Variants in FAP observed in about 807,000 individuals in gnomAD.
FAP encodes the protein prolyl endopeptidase FAP.
A neutral mutation model predicts 126.5 loss-of-function variants in FAP; 110 were observed. The observed-to-expected ratio is 0.87, with a 90% CI of 0.74 to 1.02. The LOEUF (loss-of-function observed/expected upper bound fraction) is 1.02, where lower values mean the gene tolerates loss of function less well. Among genes scored for constraint, FAP ranks in the 50% least tolerant of loss-of-function variants. The probability of loss-of-function intolerance (pLI) is 0.00; values close to 1 mark genes in which losing one functional copy is unlikely to be tolerated. For missense variants in FAP, 919 were observed against 909.2 expected, an observed-to-expected ratio of 1.01 and a Z score of -0.14; for synonymous variants, 334 against 297.3, an observed-to-expected ratio of 1.12 and a Z score of -1.27.
At chr2:162,187,666 T>C (rs1163374778) in intron 20 of FAP, among the ~76,000 whole-genome samples, 1 of 152,126 alleles carries the variant, frequency 6.6e-6, no homozygotes, top group East Asian at 1.9e-4. Context: ...ACTATGTTTT[T>C]GTCAAACGAA....
In FAP at chr2:162,215,942, A is replaced by G. The variant is rs1689144010; in HGVS notation, c.822T>C (p.Tyr274=). The change falls in exon 10 of 26, where the codon TAT becomes TAC. Residue 274 remains tyrosine (Y), a synonymous_variant. Transcript: ENST00000188790. The part of the protein sequence containing the change: ...IFIIDTTYPA[Y]VGPQEVPVPA... ...GAACAGGCACTTCCTGGGGACCTAC[A>G]TACGCAGGGTAAGTGGTATCGATAA... 6.2e-7 allele frequency: 1 copy of G among 1,614,112 alleles called. No homozygotes were observed. The highest frequency in any genetic ancestry group is 2.2e-5 in the East Asian group (1 of 44,882).
chr2:162,194,347 A>C (rs1292459495), intron 17 of FAP, among the ~76,000 whole-genome samples: 2 of 150,470 alleles, frequency 1.3e-5, no homozygotes, highest in African/African-American at 5.0e-5. Flanking sequence ...AAAAAAAAAA[A>C]CACCCTAGGG....
chr2:162,212,636 A>G (rs1267403700), intron 11 of FAP, among the ~76,000 whole-genome samples: 1 of 152,188 alleles, frequency 6.6e-6, no homozygotes, highest in African/African-American at 2.4e-5. Flanking sequence ...GCAAAACATA[A>G]TGTCCTAATT....
At chr2:162,216,118 G>A in intron 9 of FAP, 117 bp from the exon 10 acceptor site, 1 of 651,354 alleles carries the variant, frequency 1.5e-6, no homozygotes, top group Non-Finnish European at 2.7e-6. Flanking sequence ...GTATATCACT[G>A]TGGAATACAT....
intron 10 of FAP, among the ~76,000 whole-genome samples, chr2:162,214,331 T>G (rs537406322): frequency 3.3e-5 from 5 of 152,204 alleles, no homozygotes; most frequent in African/African-American, 1.2e-4. Flanking sequence ...GATTTTAACA[T>G]TTTAGAAAAG....
intron 9 of FAP, among the ~76,000 whole-genome samples, 183 bp downstream of exon 9, chr2:162,217,802 GC>G (rs1484158403): frequency 6.6e-6 from 1 of 152,132 alleles, no homozygotes; most frequent in Non-Finnish European, 1.5e-5. Flanking sequence ...ACTTCATCCA[GC>G]ACAACCAGAT....
intron 20 of FAP, among the ~76,000 whole-genome samples, chr2:162,184,164 G>A (rs1339960107): frequency 6.6e-6 from 1 of 152,134 alleles, no homozygotes; most frequent in Non-Finnish European, 1.5e-5. Flanking sequence ...ATGTTACCCT[G>A]AGGGCTGGTG....
chr2:162,219,109 T>C lies in FAP; in HGVS notation c.561A>G (p.Gly187=). 6.2e-7 allele frequency: 1 copy of C among 1,605,998 alleles called. No homozygotes were observed. Among genetic ancestry groups the C allele is most frequent in the Non-Finnish European group, 8.5e-7 (1 of 1,174,854 alleles). Residue 187 remains glycine (G), a synonymous_variant, in exon 8 of 26, where the codon GGA becomes GGG. Coordinates refer to ENST00000188790, the MANE Select transcript of FAP (RefSeq NM_004460.5). ...TTCCATTAAATATTTTATTTTCTCT[T>C]CCATTAAATGTTATTTGAAAAGGTG... ...GDPPFQITFN[G]RENKIFNGIP... is the part of the protein sequence containing the mutation.
rs1387090953 is a variant in FAP, at chr2:162,173,318, T to C, written c.2035-97A>G. 5.9e-6 allele frequency: 5 copies of C among 840,554 alleles called. No homozygotes were observed. The East Asian group carries it at 1.2e-4, about 21-fold the overall frequency. 52.1% of individuals were successfully genotyped at this position (840,554 alleles called of 1,614,324 possible). On this transcript the variant is annotated intron_variant, in intron 23 of 25. Coordinates refer to ENST00000188790, the MANE Select transcript of FAP (RefSeq NM_004460.5). ...AATGGACTTAGCACCAATACTGAAA[T>C]TATGTATTGCTTTGCTTGATAAATA...
chr2:162,208,765 A>T (rs1041616472), intron 12 of FAP, among the ~76,000 whole-genome samples: 12 of 151,798 alleles, frequency 7.9e-5, no homozygotes, highest in African/African-American at 2.7e-4. Context: ...ACTGAATACT[A>T]CTACTCTTTT....
At chr2:162,235,244 T>G (rs12471176) in intron 2 of FAP, among the ~76,000 whole-genome samples, 17,027 of 150,564 alleles carry the variant, frequency 0.11, 2,122 homozygotes, top group African/African-American at 0.28. Context: ...AACAAGCACT[T>G]CCCCCTGCTC....
intron 9 of FAP, 34 bp downstream of exon 9, chr2:162,217,952 A>G: frequency 6.7e-7 from 1 of 1,501,422 alleles, no homozygotes; most frequent in Non-Finnish European, 9.0e-7. Flanking sequence ...TGATACCAGG[A>G]AAATGAAAGC....
intron 2 of FAP, among the ~76,000 whole-genome samples, 169 bp from the exon 3 acceptor site, chr2:162,226,790 C>T (rs539428416): frequency 5.3e-5 from 8 of 152,222 alleles, no homozygotes; most frequent in South Asian, 2.1e-4. Flanking sequence ...AGTAGTATCT[C>T]CTTTTTTGTA....
chr2:162,231,577 C>G (rs1357722243), intron 2 of FAP, among the ~76,000 whole-genome samples: 1 of 152,200 alleles, frequency 6.6e-6, no homozygotes, highest in African/African-American at 2.4e-5. Flanking sequence ...TAAACACTCT[C>G]ATTAACTATG....
chr2:162,204,226 G>A (rs1688610167), intron 12 of FAP, among the ~76,000 whole-genome samples: 1 of 152,084 alleles, frequency 6.6e-6, no homozygotes, highest in Non-Finnish European at 1.5e-5. Flanking sequence ...GTCACTGTAG[G>A]CTCCTTTAAT....
chr2:162,201,253 C>G (rs757882390), intron 14 of FAP, among the ~76,000 whole-genome samples: 7 of 152,106 alleles, frequency 4.6e-5, no homozygotes, highest in Non-Finnish European at 7.3e-5. Flanking sequence ...TTTTCCCCCA[C>G]GAATGTGAAA....
chr2:162,213,404 CAAAAAAAACAAAAAACAAACAAAA>C (rs1359713081), intron 11 of FAP, among the ~76,000 whole-genome samples: 4 of 146,366 alleles, frequency 2.7e-5, no homozygotes, highest in Admixed American at 2.0e-4. Flanking sequence ...AAAAAACAAA[CAAAAAAAACAAAAAACAAACAAAA>C]AAAAAAACAG....
At chr2:162,208,996 C>A (rs1301169559) in intron 12 of FAP, among the ~76,000 whole-genome samples, 1 of 151,976 alleles carries the variant, frequency 6.6e-6, no homozygotes, top group Admixed American at 6.5e-5. Flanking sequence ...AAGCCAAAAT[C>A]AACTGGATCC....
At chr2:162,231,783 A>C (rs1174998990) in intron 2 of FAP, among the ~76,000 whole-genome samples, 3 of 152,198 alleles carry the variant, frequency 2.0e-5, no homozygotes, top group African/African-American at 7.2e-5. Flanking sequence ...AGTACTGAAA[A>C]ATTAGGAATG....
Sources: allele counts gnomAD v4.1 joint callset (sites outside exome capture counted in the v4.1 genomes callset), GRCh38; gene constraint gnomAD v4.1.1; transcripts MANE v1.5; gene names NCBI Gene and HGNC (gene_info 2026-07-23, HGNC 2026-07-21).